The following COX6B2 variants were observed in gnomAD, a reference collection of about 807,000 sequenced individuals.
COX6B2 encodes the protein COX VIb-2.
A neutral mutation model predicts 13.7 loss-of-function variants in COX6B2; 12 were observed. The observed-to-expected ratio is 0.87, with a 90% CI of 0.56 to 1.41. COX6B2 has a LOEUF of 1.41. Among genes scored for constraint, COX6B2 ranks in the 40% most tolerant of loss-of-function variants. The pLI is 0.00. For missense variants in COX6B2, 130 were observed against 118.3 expected (o/e 1.10, Z -0.46); for synonymous variants, 56 against 46.6 (o/e 1.20, Z -0.82).
Position 55,354,443 on chromosome 19 carries a change from T to A in COX6B2, c.79A>T (p.Asn27Tyr), listed in dbSNP as rs1282382855. 6.2e-7 allele frequency: 1 copy of A among 1,614,010 alleles called. No homozygotes were observed. Among genetic ancestry groups the A allele is most frequent in the Admixed American group, 1.7e-5 (1 of 60,022 alleles). ...PPFDPRFPSQNQIRNCYQNFL... is the reference protein window; with the variant it reads ...PPFDPRFPSQYQIRNCYQNFL... ...TTCTGGTAGCAGTTACGGATCTGGT[T>A]CTGGCTGGGGAAGCGCGGGTCGAAG... The change falls in exon 2 of 5, where the codon AAC becomes TAC. Residue 27 changes from asparagine to tyrosine, a missense_variant. Coordinates refer to ENST00000326529, the MANE Select transcript of COX6B2 (RefSeq NM_144613.5).
intron 4 of COX6B2, among the ~76,000 whole-genome samples, chr19:55,351,113 C>T (rs940230470): frequency 7.2e-5 from 11 of 152,208 alleles, no homozygotes; most frequent in Admixed American, 7.2e-4. Flanking sequence ...ATTCGAGTGA[C>T]TCAGATTGTC....
intron 1 of COX6B2, 55 bp downstream of exon 1, chr19:55,354,595 G>T: frequency 8.9e-7 from 1 of 1,117,880 alleles, no homozygotes; most frequent in Non-Finnish European, 1.3e-6. Context: ...CCCTCGCTCC[G>T]ACCCGTCTCC....
In COX6B2 at chr19:55,351,746, G is replaced by T. The variant is rs2089671470; in HGVS notation, c.*115-946C>A. 2.0e-5 allele frequency: 3 copies of T among 152,476 alleles called. No individual in the cohort carries two copies. The East Asian group carries it at 5.8e-4, about 29-fold the overall frequency. The allele number at this position is 152,476 out of a possible 1,614,324, so 9.4% of individuals were successfully genotyped here. A position where few individuals can be genotyped will look rare whatever the true frequency, so the allele number is the denominator to read the frequency against. On this transcript the variant is annotated intron_variant, in intron 4 of 4. Transcript: ENST00000326529. The stretch of plus-strand genomic sequence containing the variant: ...AGGCTGGCATTAGGGGTCTCAGGAG[G>T]CGGCTACTGGACACCAGGGAAAGCC...
intron 2 of COX6B2, 24 bp from the exon 3 acceptor site, chr19:55,353,990 G>A (rs757305730): frequency 4.6e-6 from 7 of 1,529,200 alleles, no homozygotes; most frequent in Middle Eastern, 2.3e-4. Flanking sequence ...GGGTCACGCG[G>A]CAAGCCACGC....
At chr19:55,353,529 A>G (rs2089683962) in intron 4 of COX6B2, 78 bp downstream of exon 4, 11 of 626,706 alleles carry the variant, frequency 1.8e-5, no homozygotes, top group Non-Finnish European at 3.1e-5. Flanking sequence ...GCCCGGACAC[A>G]GGCACACGGA....
Position 55,354,626 on chromosome 19 carries a change from G to T in COX6B2, c.-19+24C>A, listed in dbSNP as rs993206547. The T allele has an allele frequency of 2.0e-5, 16 of 792,678 alleles. No individual in the cohort carries two copies. The African/African-American group carries it at 2.6e-4, about 13-fold the overall frequency. The allele number at this position is 792,678 out of a possible 1,614,324, so 49.1% of individuals were successfully genotyped here. A position where few individuals can be genotyped will look rare whatever the true frequency, so the allele number is the denominator to read the frequency against. On this transcript the variant is annotated intron_variant, in intron 1 of 4. Coordinates refer to ENST00000326529, the MANE Select transcript of COX6B2 (RefSeq NM_144613.5). ...TCTCCCCATCCTGACCCCCGCCCCT[G>T]AACCCCACCCGTCGTGCCCTCACCA...
At chr19:55,351,655 G>GGGGCA in intron 4 of COX6B2, 1 of 152,554 alleles carries the variant, frequency 6.6e-6, no homozygotes, top group Non-Finnish European at 1.5e-5. Context: ...CAGGTGTTCT[G>GGGGCA]GGTGGGGGCA....
chr19:55,354,399 G>T lies in COX6B2; in HGVS notation c.112+11C>A. ...CCTGCTCCTCCCATAACCTGGCTGA[G>T]CAGGTCTCACCCAGGAAGTTCTGGT... On this transcript the variant is annotated intron_variant, in intron 2 of 4. Coordinates refer to ENST00000326529, the MANE Select transcript of COX6B2 (RefSeq NM_144613.5). 1 of 1,603,266 alleles carries T rather than the reference G, an allele frequency of 6.2e-7. No individual in the cohort carries two copies. The highest frequency in any genetic ancestry group is 8.5e-7 in the Non-Finnish European group (1 of 1,172,742).
intron 4 of COX6B2, chr19:55,353,389 A>G (rs990269968): frequency 2.3e-6 from 1 of 435,766 alleles, no homozygotes; most frequent in African/African-American, 2.0e-5. Context: ...CGAGGCATCT[A>G]CCTGCTGGAA....
At chr19:55,351,479 C>T (rs537403890) in intron 4 of COX6B2, among the ~76,000 whole-genome samples, 7 of 152,022 alleles carry the variant, frequency 4.6e-5, no homozygotes, top group Admixed American at 2.0e-4. Context: ...CTTCAGGATC[C>T]GTGGTCTGGA....
At chr19:55,353,813 G>A in intron 3 of COX6B2, 39 bp from the exon 4 acceptor site, 1 of 1,594,410 alleles carries the variant, frequency 6.3e-7, no homozygotes, top group Non-Finnish European at 8.5e-7. Flanking sequence ...CGCCGGCTCA[G>A]CCTCGGCCGA....
In COX6B2 at chr19:55,352,215, GTCCACACCCTGTGCCCTCACCCCA is replaced by G. The variant is rs2089674530; in HGVS notation, c.*114+1368_*114+1391del. ...GAACAGGAAGCCCTCCTGTAGTTGA[GTCCACACCCTGTGCCCTCACCCCA>G]TTCTTGGGTTGTGGTCAGAGACGGA... On this transcript the variant is annotated intron_variant, in intron 4 of 4. Coordinates refer to ENST00000326529, the MANE Select transcript of COX6B2 (RefSeq NM_144613.5). The surrounding 1 kb of genome is among the most constrained non-coding windows in gnomAD (Gnocchi z 6.2). 1 of 152,168 alleles carries G rather than the reference GTCCACACCCTGTGCCCTCACCCCA, an allele frequency of 6.6e-6. No homozygotes were observed. Among genetic ancestry groups the G allele is most frequent in the African/African-American group, 2.4e-5 (1 of 41,410 alleles). The allele number at this position is 152,168 out of a possible 1,614,324, so 9.4% of individuals were successfully genotyped here.
intron 2 of COX6B2, 191 bp from the exon 3 acceptor site, chr19:55,354,157 G>A (rs142059844): frequency 0.011 from 7,019 of 640,978 alleles, 107 homozygotes; most frequent in South Asian, 0.037. Context: ...CCCAGACCCT[G>A]CCCCTACCTA....
At chr19:55,351,213 CA>C (rs1457102471) in intron 4 of COX6B2, among the ~76,000 whole-genome samples, 1 of 152,230 alleles carries the variant, frequency 6.6e-6, no homozygotes, top group African/African-American at 2.4e-5. Context: ...GTCCTCCCCA[CA>C]ACCCTAGGAA....
chr19:55,353,408 G>A (rs975778852), intron 4 of COX6B2, 199 bp downstream of exon 4: 1 of 482,076 alleles, frequency 2.1e-6, no homozygotes, highest in Non-Finnish European at 3.8e-6. Context: ...AATGGAGAGG[G>A]AGAAGGGGGA....
intron 2 of COX6B2, 191 bp downstream of exon 2, chr19:55,354,219 G>T: frequency 1.6e-6 from 1 of 635,246 alleles, no homozygotes; most frequent in Non-Finnish European, 2.8e-6. Context: ...ATCAGGCCTC[G>T]CCCCTACCAA....
intron 2 of COX6B2, 56 bp from the exon 3 acceptor site, chr19:55,354,022 C>T: frequency 2.8e-6 from 4 of 1,407,398 alleles, no homozygotes; most frequent in Non-Finnish European, 3.8e-6. Flanking sequence ...CAGGACCCGC[C>T]CCTCCACTGC....
chr19:55,354,581 G>A, intron 1 of COX6B2, 42 bp from the exon 2 acceptor site: 3 of 1,286,412 alleles, frequency 2.3e-6, no homozygotes, highest in Non-Finnish European at 3.3e-6. Flanking sequence ...GGGCCGAGGG[G>A]GCGCCCTCGC....
Position 55,354,694 on chromosome 19 carries a change from G to A in COX6B2, c.-63C>T, listed in dbSNP as rs1451412866. 5 of 577,810 alleles carry A rather than the reference G, an allele frequency of 8.7e-6. No homozygotes were observed. Among genetic ancestry groups the A allele is most frequent in the South Asian group, 8.3e-5 (4 of 48,428 alleles). 35.8% of individuals were successfully genotyped at this position (577,810 alleles called of 1,614,324 possible). ...ACTGGATCTGCTGTGGGATGGTCCC[G>A]GGGTGCCGCTCGCTTCTGAGTCCGC... On this transcript the variant is annotated 5_prime_UTR_variant, in exon 1 of 5. Transcript: ENST00000326529.
Sources: gnomAD v4.1 joint callset for allele counts (sites outside exome capture counted in the v4.1 genomes callset) on GRCh38, gnomAD v4.1.1 for gene constraint, Gnocchi (gnomAD v3.1) non-coding constraint, MANE v1.5 for transcripts, NCBI Gene and HGNC (gene_info 2026-07-23, HGNC 2026-07-21) for gene names.